Variants in EEF1AKMT2 observed in about 807,000 individuals in gnomAD.
The protein encoded by EEF1AKMT2 is eukaryotic translation elongation factor 1 alpha lysine methyltransferase 2.
A neutral mutation model predicts 35.8 loss-of-function variants in EEF1AKMT2; 32 were observed. The ratio of observed to expected loss-of-function variants is 0.89; its 90% CI spans 0.67 to 1.20. The LOEUF is 1.20. Among genes scored for constraint, EEF1AKMT2 ranks in the 50% most tolerant of loss-of-function variants. The probability of loss-of-function intolerance (pLI) is 0.00; values close to 1 mark genes in which losing one functional copy is unlikely to be tolerated. For missense variants in EEF1AKMT2, 330 were observed against 347.5 expected (o/e 0.95, Z 0.40); for synonymous variants, 121 against 133.7 (o/e 0.91, Z 0.65).
Position 124,785,246 on chromosome 10 carries a change from CAAAAAAAAAAAAA to C in EEF1AKMT2, c.291+3784_291+3796del, listed in dbSNP as rs35915292. 1.1e-4 allele frequency among the ~76,000 whole-genome samples: 7 copies of C among 61,400 alleles called. 1 individual carries two copies. The East Asian group carries it at 1.6e-3, about 14-fold the overall frequency. The allele number at this position is 61,400 out of a possible 152,430, so 40.3% of individuals were successfully genotyped here. A position where few individuals can be genotyped will look rare whatever the true frequency, so the allele number is the denominator to read the frequency against. On this transcript the variant is annotated intron_variant, in intron 3 of 6. Transcript: ENST00000368836. ...TGGGTGACAGAGCAAGACTCCGTCT[CAAAAAAAAAAAAA>C]AAAAAAAAAAAGAATGTAAAAGGTA...
intron 6 of EEF1AKMT2, 46 bp from the exon 7 acceptor site, chr10:124,760,549 A>T: frequency 1.4e-6 from 2 of 1,470,120 alleles, no homozygotes; most frequent in East Asian, 4.5e-5. Context: ...TGAGTCTCAT[A>T]CTTACATGTA....
At chr10:124,790,050 C>T (rs1421128201) in intron 2 of EEF1AKMT2, among the ~76,000 whole-genome samples, 4 of 152,050 alleles carry the variant, frequency 2.6e-5, no homozygotes, top group Non-Finnish European at 4.4e-5. Flanking sequence ...CGCCACCATG[C>T]CTGGCTAATT....
chr10:124,765,666 T>G, intron 4 of EEF1AKMT2, 58 bp from the exon 5 acceptor site: 1 of 1,318,892 alleles, frequency 7.6e-7, no homozygotes, highest in East Asian at 2.3e-5. Flanking sequence ...TTACAGAATG[T>G]AAGTGACAAC....
intron 3 of EEF1AKMT2, among the ~76,000 whole-genome samples, chr10:124,783,137 C>T (rs113801716): frequency 4.1e-4 from 35 of 85,018 alleles, no homozygotes; most frequent in Non-Finnish European, 5.6e-4. Flanking sequence ...AGGGAAAAAC[C>T]TTTTTTTTTT....
intron 3 of EEF1AKMT2, among the ~76,000 whole-genome samples, chr10:124,786,640 C>A (rs996048322): frequency 2.6e-5 from 4 of 151,726 alleles, no homozygotes; most frequent in Non-Finnish European, 5.9e-5. Flanking sequence ...TAGCAGAACC[C>A]CATCTCTACT....
At chr10:124,774,612 TA>T in intron 4 of EEF1AKMT2, 62 bp downstream of exon 4, 2 of 855,670 alleles carry the variant, frequency 2.3e-6, no homozygotes, top group Non-Finnish European at 3.2e-6. Flanking sequence ...ACCTGTCAAT[TA>T]ATATGCTCTA....
intron 5 of EEF1AKMT2, among the ~76,000 whole-genome samples, chr10:124,763,334 T>C (rs767526218): frequency 5.9e-5 from 9 of 152,360 alleles, no homozygotes; most frequent in Admixed American, 2.6e-4. Flanking sequence ...ATGCAAGATC[T>C]GTTTCAACAA....
intron 4 of EEF1AKMT2, among the ~76,000 whole-genome samples, chr10:124,767,918 G>A (rs1482477805): frequency 6.6e-6 from 1 of 152,144 alleles, no homozygotes; most frequent in Admixed American, 6.5e-5. Flanking sequence ...CCCAGGAAAC[G>A]GAGGTTGCGG....
chr10:124,765,489 A>T lies in EEF1AKMT2; in HGVS notation c.519T>A (p.Tyr173Ter). 1 of 1,614,008 alleles carries T rather than the reference A, an allele frequency of 6.2e-7. No homozygotes were observed. Among genetic ancestry groups the T allele is most frequent in the South Asian group, 1.1e-5 (1 of 91,076 alleles). Reference sequence around the variant, plus strand: ...TCAACACCCTGGAGAGAGATTTCACATATTGCTTCCTCTTCTCAATTGCAT... The same window carrying T: ...TCAACACCCTGGAGAGAGATTTCACTTATTGCTTCCTCTTCTCAATTGCAT... ...PDNAIEKRKQ[Y>*]VKSLSRVLKV... The change falls in exon 5 of 7, where the codon TAT becomes TAA. Residue 173 changes from tyrosine (Y) to a stop codon, truncating the protein, a stop_gained. Coordinates refer to ENST00000368836, the MANE Select transcript of EEF1AKMT2 (RefSeq NM_212554.4). LOFTEE classifies it high-confidence loss of function.
chr10:124,769,820 G>A (rs768195163), intron 4 of EEF1AKMT2, among the ~76,000 whole-genome samples: 1 of 151,612 alleles, frequency 6.6e-6, no homozygotes, highest in South Asian at 2.1e-4. Flanking sequence ...GGTGGCACAT[G>A]CCTATAATCC....
intron 3 of EEF1AKMT2, among the ~76,000 whole-genome samples, chr10:124,782,322 CCT>C (rs1950546909): frequency 6.6e-6 from 1 of 152,012 alleles, no homozygotes. Context: ...GTGGCTCACG[CCT>C]GTAATCCCAG....
intron 3 of EEF1AKMT2, among the ~76,000 whole-genome samples, chr10:124,783,729 C>T (rs929179009): frequency 3.9e-5 from 6 of 152,182 alleles, no homozygotes; most frequent in South Asian, 2.1e-4. Flanking sequence ...ACTGCAGCCT[C>T]GACCTCCTCA....
rs552261342 is a variant in EEF1AKMT2 at position 124,773,471 on chromosome 10, G to C, written c.399+1204C>G. 6.8e-4 allele frequency among the ~76,000 whole-genome samples: 104 copies of C among 152,220 alleles called. 3 individuals are homozygous for C. In the South Asian group the frequency reaches 0.021, roughly 30 times the overall value. ...AGTCCCAAACTCCTGACCTCAAAGT[G>C]ATCTGCCCACCTCAGCCTCCTAAAG... On this transcript the variant is annotated intron_variant, in intron 4 of 6. Coordinates refer to ENST00000368836, the MANE Select transcript of EEF1AKMT2 (RefSeq NM_212554.4).
chr10:124,769,482 T>C (rs1950410266), intron 4 of EEF1AKMT2, among the ~76,000 whole-genome samples: 1 of 151,860 alleles, frequency 6.6e-6, no homozygotes, highest in East Asian at 1.9e-4. Flanking sequence ...CAGGCAGATT[T>C]TACAAGCATC....
intron 4 of EEF1AKMT2, among the ~76,000 whole-genome samples, chr10:124,772,824 GAA>G (rs1950450066): frequency 6.6e-6 from 1 of 152,176 alleles, no homozygotes; most frequent in Admixed American, 6.6e-5. Flanking sequence ...TCACAGAATT[GAA>G]AAGAGTCAAG....
chr10:124,780,679 G>GA (rs142265460), intron 3 of EEF1AKMT2, among the ~76,000 whole-genome samples: 4,926 of 145,624 alleles, frequency 0.034, 104 homozygotes, highest in Non-Finnish European at 0.051. Flanking sequence ...CAGTAATACA[G>GA]AAAAAAAAAA....
chr10:124,789,033 A>T lies in EEF1AKMT2; in HGVS notation c.291+10T>A. On this transcript the variant is annotated intron_variant, in intron 3 of 6. Transcript: ENST00000368836. ...TTTGTCTTTAACAAACAAATACTAA[A>T]AGTACCAACAAGTTCAACCAGGAAA... 1 of 1,597,178 alleles carries T rather than the reference A, an allele frequency of 6.3e-7. No individual in the cohort carries two copies. Among genetic ancestry groups the T allele is most frequent in the Non-Finnish European group, 8.5e-7 (1 of 1,169,650 alleles).
At position 124,780,079 on chromosome 10, in the gene EEF1AKMT2, C is replaced by T. The variant is rs141743231; in HGVS notation, c.292-5297G>A. Among the ~76,000 whole-genome samples the T allele has an allele frequency of 6.6e-5, 10 of 152,136 alleles. No homozygotes were observed. In the East Asian group the frequency reaches 1.9e-3, roughly 29 times the overall value. ...CAGAGCAAGACTCTGTCTCAAAAAACAAAAAGAAACAGAATAAATATTTTA... is the reference window on the plus strand; with the variant it reads ...CAGAGCAAGACTCTGTCTCAAAAAATAAAAAGAAACAGAATAAATATTTTA... On this transcript the variant is annotated intron_variant, in intron 3 of 6. Coordinates refer to ENST00000368836, the MANE Select transcript of EEF1AKMT2 (RefSeq NM_212554.4).
intron 3 of EEF1AKMT2, among the ~76,000 whole-genome samples, chr10:124,783,555 T>C (rs1158476856): frequency 6.6e-6 from 1 of 152,250 alleles, no homozygotes; most frequent in Admixed American, 6.5e-5. Flanking sequence ...TTACCGAGTA[T>C]GCTTAACTGG....
Sources: allele counts gnomAD v4.1 joint callset (sites outside exome capture counted in the v4.1 genomes callset), GRCh38; gene constraint gnomAD v4.1.1; transcripts MANE v1.5; gene names NCBI Gene and HGNC (gene_info 2026-07-23, HGNC 2026-07-21).